The following PLCL1 variants were observed in gnomAD, a reference collection of about 807,000 sequenced individuals.
The protein encoded by PLCL1 is inactive phospholipase C-like protein 1.
In PLCL1, 41 loss-of-function variants were observed where a neutral mutation model predicts 84.4. That is an observed-to-expected ratio of 0.49 (90% CI 0.38 to 0.63). The LOEUF (loss-of-function observed/expected upper bound fraction) is 0.63, where lower values mean the gene tolerates loss of function less well. Among genes scored for constraint, PLCL1 ranks in the 30% least tolerant of loss-of-function variants. The pLI is 0.00. For synonymous variants in PLCL1, 490 were observed against 488.3 expected, an observed-to-expected ratio of 1.00 and a Z score of -0.05; for missense variants, 1,206 against 1,367.8, an observed-to-expected ratio of 0.88 and a Z score of 1.87.
At chr2:197,957,627 T>C (rs1204922019) in intron 1 of PLCL1, among the ~76,000 whole-genome samples, 1 of 151,970 alleles carries the variant, frequency 6.6e-6, no homozygotes, top group East Asian at 1.9e-4. Flanking sequence ...TCTCAGACCA[T>C]CTCATCTACA....
At chr2:198,117,001 AG>A (rs1031013888) in intron 5 of PLCL1, among the ~76,000 whole-genome samples, 2 of 151,960 alleles carry the variant, frequency 1.3e-5, no homozygotes, top group African/African-American at 2.4e-5. Context: ...AATCTCTCAG[AG>A]GGATTCCTTA....
chr2:198,067,965 T>G (rs1170185766), intron 1 of PLCL1, among the ~76,000 whole-genome samples: 2 of 152,192 alleles, frequency 1.3e-5, no homozygotes, highest in African/African-American at 4.8e-5. Context: ...TTCATGCAAG[T>G]GTTATTAAGA....
chr2:197,971,975 A>T (rs1274475138), intron 1 of PLCL1, among the ~76,000 whole-genome samples: 2 of 152,230 alleles, frequency 1.3e-5, no homozygotes, highest in African/African-American at 4.8e-5. Flanking sequence ...CTGCCAGTAC[A>T]TGCATTTTGG....
intron 1 of PLCL1, among the ~76,000 whole-genome samples, chr2:197,962,174 G>T (rs1689636549): frequency 6.6e-6 from 1 of 151,928 alleles, no homozygotes; most frequent in South Asian, 2.1e-4. Flanking sequence ...AGGAATGATG[G>T]TACATGTATT....
chr2:198,128,074 A>G (rs1374749453), intron 5 of PLCL1, among the ~76,000 whole-genome samples: 2 of 152,200 alleles, frequency 1.3e-5, no homozygotes, highest in Admixed American at 1.3e-4. Context: ...GCTTTTAGTC[A>G]TTCCATTTTG....
chr2:197,876,278 T>C (rs1441396538), intron 1 of PLCL1, among the ~76,000 whole-genome samples: 1 of 152,000 alleles, frequency 6.6e-6, no homozygotes, highest in Non-Finnish European at 1.5e-5. Context: ...TTGTGGAAAA[T>C]ATTGGCCCAG....
At chr2:198,133,344 T>G (rs866602155) in intron 5 of PLCL1, among the ~76,000 whole-genome samples, 1 of 120,242 alleles carries the variant, frequency 8.3e-6, no homozygotes, top group South Asian at 2.7e-4. Context: ...CATGGACACA[T>G]GAAGGGGAAT....
intron 1 of PLCL1, among the ~76,000 whole-genome samples, chr2:197,932,900 G>C (rs1688970048): frequency 6.6e-6 from 1 of 151,974 alleles, no homozygotes; most frequent in Non-Finnish European, 1.5e-5. Flanking sequence ...GAAACTGGGA[G>C]GCATCCTGAT....
chr2:198,051,808 C>T (rs1474022498), intron 1 of PLCL1, among the ~76,000 whole-genome samples: 1 of 151,628 alleles, frequency 6.6e-6, no homozygotes, highest in African/African-American at 2.4e-5. Context: ...GATCTCGGCT[C>T]ACTGCAACCT....
chr2:198,096,485 T>C (rs556116876), intron 3 of PLCL1, among the ~76,000 whole-genome samples: 71 of 152,324 alleles, frequency 4.7e-4, no homozygotes, highest in Non-Finnish European at 7.9e-4. Flanking sequence ...TCATTTCCAT[T>C]ATTTTAAGTT....
chr2:197,862,826 C>A (rs1344149902), intron 1 of PLCL1, among the ~76,000 whole-genome samples: 1 of 152,094 alleles, frequency 6.6e-6, no homozygotes, highest in Admixed American at 6.6e-5. Context: ...TGTCTCAGGC[C>A]TCTCTCTTGC....
At chr2:197,991,376 A>G (rs1453954476) in intron 1 of PLCL1, among the ~76,000 whole-genome samples, 2 of 152,140 alleles carry the variant, frequency 1.3e-5, no homozygotes, top group African/African-American at 2.4e-5. Context: ...CTATAGTGGC[A>G]TGAGCCAATT....
intron 1 of PLCL1, among the ~76,000 whole-genome samples, chr2:197,832,071 C>T (rs1046005767): frequency 6.6e-6 from 1 of 152,106 alleles, no homozygotes; most frequent in Non-Finnish European, 1.5e-5. Context: ...CTAAAATCGA[C>T]ACCCCAGCAT....
intron 1 of PLCL1, among the ~76,000 whole-genome samples, chr2:198,059,248 A>G (rs186597693): frequency 3.3e-5 from 5 of 152,342 alleles, no homozygotes; most frequent in Non-Finnish European, 5.9e-5. Context: ...ATGACCTGAC[A>G]AAATTCTCTT....
chr2:198,143,320 G>A (rs963847099), intron 5 of PLCL1, among the ~76,000 whole-genome samples: 9 of 152,146 alleles, frequency 5.9e-5, no homozygotes, highest in African/African-American at 2.2e-4. Context: ...CTGCTGATGT[G>A]ACAGGAGTGG....
At chr2:198,146,298 A>T (rs553362221) in intron 5 of PLCL1, among the ~76,000 whole-genome samples, 1 of 152,322 alleles carries the variant, frequency 6.6e-6, no homozygotes, top group Admixed American at 6.5e-5. Context: ...CTCACCAAGC[A>T]TAAGGGTATG....
chr2:198,103,971 ACTTTT>A, intron 5 of PLCL1, 35 bp downstream of exon 5: 1 of 1,049,704 alleles, frequency 9.5e-7, no homozygotes, highest in South Asian at 1.5e-5. Flanking sequence ...CTGTGCCTTT[ACTTTT>A]CTTCTCCTCA....
intron 1 of PLCL1, among the ~76,000 whole-genome samples, chr2:197,837,021 G>A (rs977588080): frequency 6.6e-6 from 1 of 152,072 alleles, no homozygotes; most frequent in Admixed American, 6.6e-5. Flanking sequence ...ATTCTGTCAA[G>A]TATTAAGTAT....
intron 1 of PLCL1, among the ~76,000 whole-genome samples, chr2:198,046,255 G>GA: frequency 6.6e-6 from 1 of 152,014 alleles, no homozygotes; most frequent in East Asian, 1.9e-4. Flanking sequence ...GCTCTTTACT[G>GA]AAAAAAAATT....
Sources: allele counts gnomAD v4.1 joint callset (sites outside exome capture counted in the v4.1 genomes callset), GRCh38; gene constraint gnomAD v4.1.1; transcripts MANE v1.5; gene names NCBI Gene and HGNC (gene_info 2026-07-23, HGNC 2026-07-21).